The following SASH1 variants were observed in gnomAD, a reference collection of about 807,000 sequenced individuals.
The protein encoded by SASH1 is SAM and SH3 domain-containing protein 1.
SASH1 carries 44 observed loss-of-function variants against 125.2 expected under a neutral mutation model. The observed-to-expected ratio is 0.35, with a 90% CI of 0.28 to 0.45. The LOEUF (loss-of-function observed/expected upper bound fraction) is 0.45. Among genes scored for constraint, SASH1 ranks in the 20% least tolerant of loss-of-function variants. The probability of loss-of-function intolerance (pLI) is 1.00; values close to 1 mark genes in which losing one functional copy is unlikely to be tolerated. For missense variants in SASH1, 1,426 were observed against 1,614.5 expected (o/e 0.88, Z 2.00); for synonymous variants, 639 against 649.1 (o/e 0.98, Z 0.24).
the SASH1 span, among the ~76,000 whole-genome samples, chr6:148,217,031 G>A: frequency 6.6e-6 from 1 of 152,038 alleles, no homozygotes; most frequent in Non-Finnish European, 1.5e-5. Flanking sequence ...CTGGCCTAAT[G>A]TCTCTCATCT....
chr6:148,529,361 T>C lies in SASH1; in HGVS notation c.1428+1765T>C, dbSNP rs548099480. Among the ~76,000 whole-genome samples, 81 of 152,332 alleles carry C rather than the reference T, an allele frequency of 5.3e-4. No homozygotes were observed. Among genetic ancestry groups the C allele is most frequent in the Middle Eastern group, 6.8e-3 (2 of 294 alleles). The stretch of plus-strand genomic sequence containing the variant: ...CGTGGCTTGTTAGACCTGCAGGAGA[T>C]AGATGTCTGGACTGCCTTCAGCATG... On this transcript the variant is annotated intron_variant, in intron 12 of 19. Transcript: ENST00000367467. This position sits in a 1 kb window ranked among gnomAD's most constrained non-coding sequence, Gnocchi z 4.2.
chr6:148,211,578 A>G, the SASH1 span, among the ~76,000 whole-genome samples: 8 of 147,398 alleles, frequency 5.4e-5, no homozygotes, highest in East Asian at 3.9e-4. Context: ...CTCAAAGGGA[A>G]AAAAAAAAAA....
intron 1 of SASH1, among the ~76,000 whole-genome samples, chr6:148,366,295 C>G (rs540438240): frequency 6.6e-6 from 1 of 151,790 alleles, no homozygotes; most frequent in Admixed American, 6.6e-5. Context: ...AAAACACAAA[C>G]CAAAAAAAAC....
At chr6:148,440,466 G>A in intron 4 of SASH1, 59 bp downstream of exon 4, 3 of 1,459,056 alleles carry the variant, frequency 2.1e-6, no homozygotes, top group Non-Finnish European at 1.9e-6. Context: ...TTAGGTCCAT[G>A]CTGACGGAAA....
chr6:148,255,933 T>C, the SASH1 span, among the ~76,000 whole-genome samples: 1 of 152,190 alleles, frequency 6.6e-6, no homozygotes, highest in Non-Finnish European at 1.5e-5. Flanking sequence ...TGAGACACCA[T>C]GCTTGGCCAA....
At chr6:148,433,651 G>A (rs1244583045) in intron 2 of SASH1, among the ~76,000 whole-genome samples, 1 of 151,868 alleles carries the variant, frequency 6.6e-6, no homozygotes, top group Non-Finnish European at 1.5e-5. Context: ...TGATCCGCCC[G>A]CCTCAGCTTC....
intron 2 of SASH1, among the ~76,000 whole-genome samples, chr6:148,391,112 C>G (rs1211539426): frequency 4.2e-5 from 6 of 143,452 alleles, no homozygotes; most frequent in Non-Finnish European, 6.1e-5. Context: ...TAAAGACACT[C>G]TTTTTTTTTT....
At chr6:148,410,678 C>A (rs1462593726) in intron 2 of SASH1, among the ~76,000 whole-genome samples, 1 of 152,184 alleles carries the variant, frequency 6.6e-6, no homozygotes, top group Non-Finnish European at 1.5e-5. Context: ...TTATAAGTTG[C>A]ACTTAAAGTG....
chr6:148,332,754 A>T (rs998531673), intron 1 of SASH1, among the ~76,000 whole-genome samples: 77 of 152,250 alleles, frequency 5.1e-4, no homozygotes, highest in African/African-American at 1.8e-3. Flanking sequence ...TGGGAGGCTG[A>T]GGCGGGCGGA....
Position 148,274,303 on chromosome 6 carries a change from T to C in SASH1, n.74+1926T>C, listed in dbSNP as rs1246742057. Among the ~76,000 whole-genome samples, 4 of 152,338 alleles carry C rather than the reference T, an allele frequency of 2.6e-5. No individual in the cohort carries two copies. The East Asian group carries it at 5.8e-4, about 22-fold the overall frequency. On this transcript the variant is annotated intron_variant and non_coding_transcript_variant, in intron 1 of 3. Transcript: ENST00000367469. ...CAGAACAAAGCCTCCTCTTGTTACATGCGCTTTCCCTGGTTTCAGAAACAA... is the reference window on the plus strand; with the variant it reads ...CAGAACAAAGCCTCCTCTTGTTACACGCGCTTTCCCTGGTTTCAGAAACAA...
intron 1 of SASH1, among the ~76,000 whole-genome samples, chr6:148,347,791 T>C (rs1252225133): frequency 2.0e-5 from 3 of 152,106 alleles, no homozygotes; most frequent in African/African-American, 7.2e-5. Flanking sequence ...TTGTGGCCTC[T>C]CTATGTGGAG....
chr6:148,254,605 C>G, the SASH1 span, among the ~76,000 whole-genome samples: 1 of 152,182 alleles, frequency 6.6e-6, no homozygotes, highest in Non-Finnish European at 1.5e-5. Context: ...AGATGCTTAA[C>G]ATCACTAGTT....
intron 4 of SASH1, among the ~76,000 whole-genome samples, chr6:148,450,945 T>C (rs918684867): frequency 1.3e-4 from 20 of 152,216 alleles, no homozygotes; most frequent in African/African-American, 4.8e-4. Flanking sequence ...CAAATGAAGA[T>C]GATCATTATA....
Position 148,302,595 on chromosome 6 carries a change from TAC to T in SASH1, n.74+30235_74+30236del, listed in dbSNP as rs66830113. Among the ~76,000 whole-genome samples the T allele has an allele frequency of 4.7e-3, 693 of 147,816 alleles. 9 individuals are homozygous for T. Among genetic ancestry groups the T allele is most frequent in the African/African-American group, 0.016 (642 of 40,224 alleles). ...CCATGCTGCAGAAATTATGCACACATACACACACACACACACACGCAGAAATC... is the reference window on the plus strand; with the variant it reads ...CCATGCTGCAGAAATTATGCACACATACACACACACACACACGCAGAAATC... On this transcript the variant is annotated intron_variant and non_coding_transcript_variant, in intron 1 of 3. Transcript: ENST00000367469.
intron 1 of SASH1, among the ~76,000 whole-genome samples, chr6:148,324,056 G>T (rs950443861): frequency 5.5e-5 from 8 of 146,762 alleles, no homozygotes; most frequent in African/African-American, 2.0e-4. Flanking sequence ...GGAGGCGGAG[G>T]TTGCAGGGAG....
At chr6:148,463,421 G>A (rs1353722232) in intron 4 of SASH1, among the ~76,000 whole-genome samples, 1 of 152,116 alleles carries the variant, frequency 6.6e-6, no homozygotes, top group Non-Finnish European at 1.5e-5. Context: ...GGGATTACAG[G>A]GTCAGACACT....
intron 2 of SASH1, among the ~76,000 whole-genome samples, chr6:148,438,090 C>G (rs1425505987): frequency 6.6e-6 from 1 of 152,068 alleles, no homozygotes; most frequent in Non-Finnish European, 1.5e-5. Flanking sequence ...GTCACTTTTG[C>G]TGATGGTTAT....
intron 1 of SASH1, among the ~76,000 whole-genome samples, chr6:148,351,126 G>T (rs1781709735): frequency 1.3e-5 from 2 of 150,516 alleles, no homozygotes; most frequent in South Asian, 4.2e-4. Context: ...CAGGCATTAT[G>T]GTAACTCTGA....
At chr6:148,334,509 T>C (rs1781092933) in intron 1 of SASH1, among the ~76,000 whole-genome samples, 1 of 148,554 alleles carries the variant, frequency 6.7e-6, no homozygotes, top group Non-Finnish European at 1.5e-5. Flanking sequence ...TGGATGACTT[T>C]GGCCTAATTT....
Sources: gnomAD v4.1 joint callset for allele counts (sites outside exome capture counted in the v4.1 genomes callset) on GRCh38, gnomAD v4.1.1 for gene constraint, Gnocchi (gnomAD v3.1) non-coding constraint, MANE v1.5 for transcripts, NCBI Gene and HGNC (gene_info 2026-07-23, HGNC 2026-07-21) for gene names.